Variants in NSFL1C observed in about 807,000 individuals in gnomAD.
NSFL1C encodes the protein NSFL1 cofactor p47.
Under a neutral mutation model 43.1 loss-of-function variants are expected in NSFL1C, and 14 were observed. The observed-to-expected ratio is 0.32, with a 90% CI of 0.21 to 0.51. The LOEUF (loss-of-function observed/expected upper bound fraction) is 0.51, where lower values mean the gene tolerates loss of function less well. Ranked by LOEUF, NSFL1C falls within the 20% of genes least tolerant of loss-of-function variation. The pLI is 0.98. For missense variants in NSFL1C, 406 were observed against 472.5 expected (o/e 0.86, Z 1.30); for synonymous variants, 171 against 183.5 (o/e 0.93, Z 0.55).
intron 2 of NSFL1C, among the ~76,000 whole-genome samples, chr20:1,461,859 C>T (rs2090418168): frequency 6.6e-6 from 1 of 152,138 alleles, no homozygotes; most frequent in Non-Finnish European, 1.5e-5. Context: ...AACTCAGTGC[C>T]TCACTCGTAA....
intron 2 of NSFL1C, among the ~76,000 whole-genome samples, chr20:1,462,889 A>C (rs902405257): frequency 6.6e-6 from 1 of 152,232 alleles, no homozygotes; most frequent in Admixed American, 6.5e-5. Flanking sequence ...AGGTCAATTG[A>C]GAATGAATGC....
At chr20:1,446,511 T>C (rs1420446920) in intron 7 of NSFL1C, among the ~76,000 whole-genome samples, 1 of 152,184 alleles carries the variant, frequency 6.6e-6, no homozygotes, top group Non-Finnish European at 1.5e-5. Flanking sequence ...TTAGATTTCA[T>C]ATCTCAGAAT....
At chr20:1,459,795 C>A (rs1447429896) in intron 2 of NSFL1C, among the ~76,000 whole-genome samples, 1 of 152,206 alleles carries the variant, frequency 6.6e-6, no homozygotes, top group Non-Finnish European at 1.5e-5. Context: ...CCTGAGAGTA[C>A]TAGTTCCACT....
rs978575900 is a variant in NSFL1C at position 1,463,500 on chromosome 20, C to T, written c.203+829G>A. The T allele has an allele frequency of 9.9e-5, 15 of 152,254 alleles. 1 individual carries two copies. Among genetic ancestry groups the T allele is most frequent in the South Asian group, 4.1e-4 (2 of 4,830 alleles). The allele number at this position is 152,254 out of a possible 1,614,324, so 9.4% of individuals were successfully genotyped here. On this transcript the variant is annotated intron_variant, in intron 2 of 8. Coordinates refer to ENST00000216879, the MANE Select transcript of NSFL1C (RefSeq NM_016143.5). ...AGATCTGGGGTTAGTGCTCCTTCTT[C>T]GAAGGGAGGAAATATATTTTAAACC...
At chr20:1,454,808 C>A (rs531985274) in intron 4 of NSFL1C, among the ~76,000 whole-genome samples, 159 bp downstream of exon 4, 3 of 152,176 alleles carry the variant, frequency 2.0e-5, no homozygotes, top group Admixed American at 6.5e-5. Context: ...CTTGGTTTCA[C>A]GTTAAAGGGT....
At chr20:1,465,289 G>A (rs1197074349) in intron 1 of NSFL1C, among the ~76,000 whole-genome samples, 1 of 152,182 alleles carries the variant, frequency 6.6e-6, no homozygotes, top group African/African-American at 2.4e-5. Context: ...GAGCTGTCAA[G>A]GGATAAAAGT....
intron 7 of NSFL1C, chr20:1,446,099 C>T (rs1266146174): frequency 9.4e-6 from 5 of 532,794 alleles, no homozygotes; most frequent in Non-Finnish European, 1.7e-5. Context: ...CCTTTTTCCT[C>T]CTTGGTGTCT....
At chr20:1,447,506 C>T (rs533135719) in intron 7 of NSFL1C, among the ~76,000 whole-genome samples, 1 of 151,612 alleles carries the variant, frequency 6.6e-6, no homozygotes, top group Admixed American at 6.6e-5. Flanking sequence ...TGGCCCAAAG[C>T]AATTCTTCCA....
chr20:1,444,202 ACT>A (rs1403413071), intron 8 of NSFL1C, among the ~76,000 whole-genome samples: 3 of 151,648 alleles, frequency 2.0e-5, no homozygotes, highest in African/African-American at 7.3e-5. Flanking sequence ...ATCAGGCCAT[ACT>A]CTCTTCCCAC....
At chr20:1,453,921 AG>A (rs1476037235) in intron 5 of NSFL1C, among the ~76,000 whole-genome samples, 1 of 152,168 alleles carries the variant, frequency 6.6e-6, no homozygotes, top group Non-Finnish European at 1.5e-5. Flanking sequence ...GCATCACTAG[AG>A]AACCCCAGAT....
chr20:1,443,608 G>A lies in NSFL1C; in HGVS notation c.*141C>T, dbSNP rs957476851. The A allele has an allele frequency of 3.0e-5, 22 of 726,330 alleles. No homozygotes were observed. The highest frequency in any genetic ancestry group is 2.1e-4 in the African/African-American group (12 of 56,656). The allele number at this position is 726,330 out of a possible 1,614,324, so 45.0% of individuals were successfully genotyped here. A position where few individuals can be genotyped will look rare whatever the true frequency, so the allele number is the denominator to read the frequency against. ...AAGGAGAAAACAAACGTCCAACCAA[G>A]ATCTAAGAACCCAGAGCTATGGAGG... On this transcript the variant is annotated 3_prime_UTR_variant, in exon 9 of 9. Transcript: ENST00000216879.
At position 1,453,038 on chromosome 20, in the gene NSFL1C, G is replaced by A. The variant is rs771720260; in HGVS notation, c.640C>T (p.Arg214Cys). Reference protein sequence around the residue: ...PSNAQFLESIRRGEVPAELRR... With the variant: ...PSNAQFLESICRGEVPAELRR... ...GAGGGCTTTTTCACTCACCCTCTGC[G>A]GATAGACTCCAGAAACTGGGCATTG... Residue 214 changes from arginine (R) to cysteine (C), a missense_variant, in exon 6 of 9, where the codon CGC becomes TGC. Arg to Cys is a radical substitution (Grantham distance 180). Coordinates refer to ENST00000216879, the MANE Select transcript of NSFL1C (RefSeq NM_016143.5). 6 of 1,600,618 alleles carry A rather than the reference G, an allele frequency of 3.7e-6. No homozygotes were observed. The highest frequency in any genetic ancestry group is 1.7e-5 in the Admixed American group (1 of 60,008).
At chr20:1,446,717 C>T (rs76819871) in intron 7 of NSFL1C, among the ~76,000 whole-genome samples, 2,328 of 150,486 alleles carry the variant, frequency 0.015, 49 homozygotes, top group African/African-American at 0.052. Context: ...TGTATGGAGC[C>T]GCCTTCTCTC....
intron 4 of NSFL1C, 88 bp from the exon 5 acceptor site, chr20:1,454,393 G>A (rs2090252509): frequency 1.1e-6 from 1 of 882,356 alleles, no homozygotes. Context: ...TCTTAGGTAA[G>A]AGGAAGAAAG....
Position 1,443,555 on chromosome 20 carries a change from T to A in NSFL1C, c.*194A>T. On this transcript the variant is annotated 3_prime_UTR_variant, in exon 9 of 9. Coordinates refer to ENST00000216879, the MANE Select transcript of NSFL1C (RefSeq NM_016143.5). ...TTTTTTTTTCATTAAAGTCCATTGA[T>A]CATCACAAAAACCCAGGAAATGCAA... 1 of 500,514 alleles carries A rather than the reference T, an allele frequency of 2.0e-6. No homozygotes were observed. Among genetic ancestry groups the A allele is most frequent in the East Asian group, 3.0e-5 (1 of 33,454 alleles). The allele number at this position is 500,514 out of a possible 1,614,324, so 31.0% of individuals were successfully genotyped here. A position where few individuals can be genotyped will look rare whatever the true frequency, so the allele number is the denominator to read the frequency against.
intron 3 of NSFL1C, chr20:1,456,491 G>A (rs1193654150): frequency 6.6e-6 from 1 of 152,200 alleles, no homozygotes; most frequent in African/African-American, 2.4e-5. Context: ...CCCAAAGACT[G>A]ACCATGATGA....
intron 7 of NSFL1C, among the ~76,000 whole-genome samples, chr20:1,446,746 C>A (rs955876489): frequency 6.6e-6 from 1 of 152,204 alleles, no homozygotes; most frequent in Non-Finnish European, 1.5e-5. Flanking sequence ...CACCTGTCCA[C>A]TTCACTCCCA....
At chr20:1,456,643 TA>T (rs1359666424) in intron 3 of NSFL1C, 1 of 152,216 alleles carries the variant, frequency 6.6e-6, no homozygotes, top group African/African-American at 2.4e-5. Context: ...GAAGTTCTGC[TA>T]AATGGACTAT....
intron 6 of NSFL1C, 30 bp from the exon 7 acceptor site, chr20:1,452,660 A>G (rs1323202190): frequency 1.9e-6 from 3 of 1,612,482 alleles, no homozygotes; most frequent in African/African-American, 1.3e-5. Flanking sequence ...GCTGAGGTCC[A>G]CAGAGAGAAG....
Sources: allele counts gnomAD v4.1 joint callset (sites outside exome capture counted in the v4.1 genomes callset), GRCh38; gene constraint gnomAD v4.1.1; transcripts MANE v1.5; gene names NCBI Gene and HGNC (gene_info 2026-07-23, HGNC 2026-07-21).